The following ME2 variants were observed in gnomAD, a reference collection of about 807,000 sequenced individuals.
The protein encoded by ME2 is malic enzyme 2, also known as NAD-dependent malic enzyme, mitochondrial.
In ME2, 60 loss-of-function variants were observed where a neutral mutation model predicts 73.7. The ratio of observed to expected loss-of-function variants is 0.81; its 90% CI spans 0.66 to 1.01. The LOEUF (loss-of-function observed/expected upper bound fraction) is 1.01. ME2 is among the 50% of genes least tolerant of loss of function. ME2 has a pLI of 0.00. For missense variants in ME2, 594 were observed against 705.5 expected, an observed-to-expected ratio of 0.84 and a Z score of 1.79; for synonymous variants, 199 against 236.9, an observed-to-expected ratio of 0.84 and a Z score of 1.47.
intron 2 of ME2, among the ~76,000 whole-genome samples, chr18:50,907,095 T>TG (rs1355645013): frequency 6.6e-6 from 1 of 152,178 alleles, no homozygotes; most frequent in African/African-American, 2.4e-5. Context: ...CAAGCACTTC[T>TG]GGGGAAATGG....
chr18:50,943,826 G>T (rs750023117), intron 15 of ME2, among the ~76,000 whole-genome samples: 22 of 152,166 alleles, frequency 1.4e-4, no homozygotes, highest in Non-Finnish European at 2.8e-4. Context: ...AACAGTTGAA[G>T]ATTTTAGAGC....
intron 13 of ME2, chr18:50,939,052 C>T (rs1229251628): frequency 1.4e-5 from 2 of 146,696 alleles, no homozygotes; most frequent in Non-Finnish European, 3.0e-5. Flanking sequence ...TGAAAGAGCG[C>T]TAAATATTTA....
chr18:50,951,803 G>A lies in ME2; in HGVS notation c.*4619G>A, dbSNP rs1918230610. The A allele has an allele frequency of 6.8e-6, 1 of 147,076 alleles. No individual in the cohort carries two copies. Among genetic ancestry groups the A allele is most frequent in the Non-Finnish European group, 1.5e-5 (1 of 67,400 alleles). The allele number at this position is 147,076 out of a possible 1,614,324, so 9.1% of individuals were successfully genotyped here. A position where few individuals can be genotyped will look rare whatever the true frequency, so the allele number is the denominator to read the frequency against. The stretch of plus-strand genomic sequence containing the variant: ...TGAGGAGTGAACCCGGGAGGTGGAG[G>A]TTGCAGTGAGCTGAGATCGCACCGC... On this transcript the variant is annotated 3_prime_UTR_variant, in exon 16 of 16. Coordinates refer to ENST00000321341, the MANE Select transcript of ME2 (RefSeq NM_002396.5).
At chr18:50,908,983 T>C (rs1917085488) in intron 3 of ME2, among the ~76,000 whole-genome samples, 2 of 141,958 alleles carry the variant, frequency 1.4e-5, no homozygotes, top group Admixed American at 1.5e-4. Flanking sequence ...AGACAGGGTC[T>C]CACTCTGTTG....
At chr18:50,900,057 A>G (rs182598711) in intron 2 of ME2, among the ~76,000 whole-genome samples, 1 of 152,304 alleles carries the variant, frequency 6.6e-6, no homozygotes, top group East Asian at 1.9e-4. Flanking sequence ...CAAGTTAGGA[A>G]ATACCCCTAT....
At chr18:50,940,022 T>C (rs917620955) in intron 14 of ME2, 1 of 458,740 alleles carries the variant, frequency 2.2e-6, no homozygotes, top group African/African-American at 2.0e-5. Context: ...AATTAATGTC[T>C]GTTTTCAAAG....
At chr18:50,934,274 T>A (rs549995493) in intron 13 of ME2, 68 of 152,324 alleles carry the variant, frequency 4.5e-4, no homozygotes, top group African/African-American at 1.6e-3. Context: ...TATTAAGGAA[T>A]TTAGCAGTTG....
Position 50,930,524 on chromosome 18 carries a change from T to C in ME2, c.1315-1734T>C, listed in dbSNP as rs1917667827. Among the ~76,000 whole-genome samples, 3 of 152,286 alleles carry C rather than the reference T, an allele frequency of 2.0e-5. No individual in the cohort carries two copies. In the South Asian group the frequency reaches 6.2e-4, roughly 32 times the overall value. On this transcript the variant is annotated intron_variant, in intron 12 of 15. Transcript: ENST00000321341. ...ACTTCAGAATAAGAATATACTATTATCATTAAAATCTGGCCACGTTTAAGC... is the reference window on the plus strand; with the variant it reads ...ACTTCAGAATAAGAATATACTATTACCATTAAAATCTGGCCACGTTTAAGC...
intron 13 of ME2, among the ~76,000 whole-genome samples, chr18:50,938,355 A>G (rs1010433134): frequency 5.9e-5 from 9 of 152,068 alleles, no homozygotes; most frequent in Admixed American, 2.0e-4. Context: ...GGGATCCTAC[A>G]TGCATCCAGA....
intron 2 of ME2, among the ~76,000 whole-genome samples, chr18:50,905,886 A>AC (rs1286725445): frequency 4.0e-4 from 61 of 151,840 alleles, no homozygotes; most frequent in Non-Finnish European, 2.8e-4. Flanking sequence ...GGCATGTCCG[A>AC]CCCCCCATGC....
chr18:50,932,033 G>T (rs1299200151), intron 12 of ME2, among the ~76,000 whole-genome samples: 1 of 152,070 alleles, frequency 6.6e-6, no homozygotes, highest in Non-Finnish European at 1.5e-5. Context: ...AGTAATAAAT[G>T]ATTTTTAACT....
At chr18:50,900,773 T>G (rs910328089) in intron 2 of ME2, among the ~76,000 whole-genome samples, 18 of 152,016 alleles carry the variant, frequency 1.2e-4, no homozygotes, top group African/African-American at 2.7e-4. Flanking sequence ...TCTCACAAGA[T>G]CTGGTGGCTT....
chr18:50,924,615 C>A (rs1917502817), intron 11 of ME2, among the ~76,000 whole-genome samples: 1 of 151,194 alleles, frequency 6.6e-6, no homozygotes, highest in South Asian at 2.1e-4. Context: ...CATGGCATTA[C>A]ATTCTCAGCA....
At chr18:50,913,010 A>G (rs1917195120) in intron 4 of ME2, 60 bp downstream of exon 4, 3 of 1,377,160 alleles carry the variant, frequency 2.2e-6, no homozygotes, top group South Asian at 2.8e-5. Context: ...ATATCATTCC[A>G]TAACACCCAT....
At chr18:50,943,775 A>C (rs970451666) in intron 15 of ME2, among the ~76,000 whole-genome samples, 2 of 152,214 alleles carry the variant, frequency 1.3e-5, no homozygotes, top group Non-Finnish European at 2.9e-5. Flanking sequence ...GTACAAATAT[A>C]CAAATGCCAG....
intron 12 of ME2, among the ~76,000 whole-genome samples, chr18:50,930,343 A>C (rs1438345769): frequency 6.6e-6 from 1 of 152,192 alleles, no homozygotes. Flanking sequence ...ATAATGGCAT[A>C]GAATTTTGAC....
intron 7 of ME2, among the ~76,000 whole-genome samples, chr18:50,918,975 A>G (rs1473639137): frequency 6.6e-6 from 1 of 152,054 alleles, no homozygotes; most frequent in Non-Finnish European, 1.5e-5. Context: ...CTGTATTCCC[A>G]GCTTCTATTA....
At chr18:50,919,096 TA>T (rs1240449775) in intron 7 of ME2, among the ~76,000 whole-genome samples, 1 of 152,096 alleles carries the variant, frequency 6.6e-6, no homozygotes, top group Admixed American at 6.6e-5. Flanking sequence ...CAGTGGGTAC[TA>T]CCACTTAAAT....
At chr18:50,895,659 A>G (rs1440004786) in intron 1 of ME2, 150 bp from the exon 2 acceptor site, 1 of 601,552 alleles carries the variant, frequency 1.7e-6, no homozygotes, top group Non-Finnish European at 2.9e-6. Flanking sequence ...GTTATCAGAA[A>G]AAGTAAGTTT....
Sources: allele counts gnomAD v4.1 joint callset (sites outside exome capture counted in the v4.1 genomes callset), GRCh38; gene constraint gnomAD v4.1.1; transcripts MANE v1.5; gene names NCBI Gene and HGNC (gene_info 2026-07-23, HGNC 2026-07-21).